The following HSD17B1 variants were observed in gnomAD, a reference collection of about 807,000 sequenced individuals.
HSD17B1 encodes the protein hydroxysteroid 17-beta dehydrogenase 1, also known as 17-beta-hydroxysteroid dehydrogenase type 1.
A neutral mutation model predicts 22.7 loss-of-function variants in HSD17B1; 16 were observed. That is an observed-to-expected ratio of 0.71 (90% CI 0.48 to 1.07). The LOEUF (loss-of-function observed/expected upper bound fraction) is 1.07, where lower values mean the gene tolerates loss of function less well. HSD17B1 is among the 50% of genes least tolerant of loss of function. HSD17B1 has a pLI of 0.00. For missense variants in HSD17B1, 533 were observed against 459.9 expected (o/e 1.16, Z -1.45); for synonymous variants, 243 against 211.0 (o/e 1.15, Z -1.31).
chr17:42,554,578 C>A lies in HSD17B1; in HGVS notation c.713C>A (p.Ala238Glu). ...REAAQNPEEV[A>E]EVFLTALRAP... ...GCGGCGCAGAACCCTGAGGAGGTGGCGGAGGTGAGCGCCGGGCTGGACTCC... is the reference window on the plus strand; with the variant it reads ...GCGGCGCAGAACCCTGAGGAGGTGGAGGAGGTGAGCGCCGGGCTGGACTCC... The change falls in exon 5 of 6, where the codon GCG (alanine) becomes GAG (glutamate). Residue 238 changes from alanine (A) to glutamate (E), a missense_variant. Ala to Glu is a moderately radical substitution (Grantham distance 107, BLOSUM62 -1). Transcript: ENST00000585807. 4 of 1,613,136 alleles carry A rather than the reference C, an allele frequency of 2.5e-6. No individual in the cohort carries two copies. Among genetic ancestry groups the A allele is most frequent in the Non-Finnish European group, 3.4e-6 (4 of 1,179,606 alleles).
Position 42,554,583 on chromosome 17 carries a change from G to A in HSD17B1, c.717+1G>A, listed in dbSNP as rs1199268040. On this transcript the variant is annotated splice_donor_variant, in intron 5 of 5. Transcript: ENST00000585807. LOFTEE classifies it high-confidence loss of function. ...GCAGAACCCTGAGGAGGTGGCGGAG[G>A]TGAGCGCCGGGCTGGACTCCAGGAG... is the stretch of plus-strand genomic sequence containing the variant. The A allele has an allele frequency of 1.2e-6, 2 of 1,613,012 alleles. No homozygotes were observed. The highest frequency in any genetic ancestry group is 1.7e-6 in the Non-Finnish European group (2 of 1,179,578).
Position 42,553,446 on chromosome 17 carries a change from C to G in HSD17B1, c.273C>G (p.Asn91Lys), listed in dbSNP as rs772780687. The stretch of plus-strand genomic sequence containing the variant: ...GGCCTCTTGTCTCCGCAGTGTGTAA[C>G]GCAGGCCTGGGCCTGCTGGGGCCGC... ...TEGRVDVLVC[N>K]AGLGLLGPLE... Residue 91 changes from asparagine to lysine, a missense_variant, in exon 3 of 6, where the codon AAC (asparagine) becomes AAG (lysine). Asn to Lys is a moderately conservative substitution (Grantham distance 94). Transcript: ENST00000585807. 5.0e-6 allele frequency: 8 copies of G among 1,612,682 alleles called. No individual in the cohort carries two copies. Among genetic ancestry groups the G allele is most frequent in the East Asian group, 2.2e-5 (1 of 44,878 alleles).
chr17:42,553,789 C>T lies in HSD17B1; in HGVS notation c.446-5C>T, dbSNP rs2092952801. The T allele has an allele frequency of 6.2e-7, 1 of 1,612,816 alleles. No homozygotes were observed. The highest frequency in any genetic ancestry group is 1.3e-5 in the African/African-American group (1 of 75,044). ...CGCCTCAGGAACCTCGTCTCCCCACCTAAGGGCTGCCTTTCAATGACGTTT... is the reference window on the plus strand; with the variant it reads ...CGCCTCAGGAACCTCGTCTCCCCACTTAAGGGCTGCCTTTCAATGACGTTT... On this transcript the variant is annotated splice_region_variant and splice_polypyrimidine_tract_variant and intron_variant, in intron 3 of 5. Transcript: ENST00000585807.
In HSD17B1 at chr17:42,554,523, C is replaced by T. The variant is rs1208994460; in HGVS notation, c.658C>T (p.Leu220Phe). 1.9e-6 allele frequency: 3 copies of T among 1,614,072 alleles called. No homozygotes were observed. The Admixed American group carries it at 5.0e-5, about 27-fold the overall frequency. ...CACCTTCCACCGCTTCTACCAATAC[C>T]TCGCCCACAGCAAGCAAGTCTTTCG... ...IHTFHRFYQY[L>F]AHSKQVFREA... The change falls in exon 5 of 6, where the codon CTC becomes TTC. Residue 220 changes from leucine to phenylalanine, a missense_variant. Coordinates refer to ENST00000585807, the MANE Select transcript of HSD17B1 (RefSeq NM_000413.4).
intron 4 of HSD17B1, 42 bp downstream of exon 4, chr17:42,553,929 C>G: frequency 6.6e-7 from 1 of 1,525,820 alleles, no homozygotes; most frequent in East Asian, 2.3e-5. Context: ...TTAACTCTGA[C>G]CTAGAGACGC....
chr17:42,552,997 C>T lies in HSD17B1; in HGVS notation c.64C>T (p.Arg22Cys), dbSNP rs146214926. 75 of 1,614,000 alleles carry T rather than the reference C, an allele frequency of 4.6e-5. No homozygotes were observed. The highest frequency in any genetic ancestry group is 5.3e-5 in the Non-Finnish European group (63 of 1,180,016). The change falls in exon 1 of 6, where the codon CGT becomes TGT. Residue 22 changes from arginine to cysteine, a missense_variant. By Grantham distance (180) the Arg-to-Cys change is radical (BLOSUM62 -3). Transcript: ENST00000585807. Reference protein sequence around the residue: ...SSGIGLHLAVRLASDPSQSFK... With the variant: ...SSGIGLHLAVCLASDPSQSFK... ...GGGCATCGGCCTGCACTTGGCCGTA[C>T]GTCTGGCTTCAGATCCATCCCAGAG... is the stretch of plus-strand genomic sequence containing the variant.
At position 42,554,753 on chromosome 17, in the gene HSD17B1, C is replaced by T. The variant is rs376962934; in HGVS notation, c.802C>T (p.Leu268=). Residue 268 remains leucine, a synonymous_variant, in exon 6 of 6, where the codon CTG becomes TTG. Coordinates refer to ENST00000585807, the MANE Select transcript of HSD17B1 (RefSeq NM_000413.4). ...CTTCCTGCCCCTGCTGCGGATGCGC[C>T]TGGACGACCCCAGCGGCTCCAACTA... is the stretch of plus-strand genomic sequence containing the variant. ...ERFLPLLRMR[L]DDPSGSNYVT... The T allele has an allele frequency of 6.2e-7, 1 of 1,603,802 alleles. No homozygotes were observed. The highest frequency in any genetic ancestry group is 2.2e-5 in the East Asian group (1 of 44,886).
chr17:42,554,135 C>T, intron 4 of HSD17B1: 1 of 638,144 alleles, frequency 1.6e-6, no homozygotes, highest in Non-Finnish European at 2.7e-6. Flanking sequence ...GGCCCAAGGT[C>T]ACACAGCGGC....
Position 42,553,238 on chromosome 17 carries a change from A to C in HSD17B1, c.212A>C (p.Lys71Thr), listed in dbSNP as rs775295193. Residue 71 changes from lysine (K) to threonine (T), a missense_variant, in exon 2 of 6, where the codon AAA becomes ACA. By Grantham distance (78) the Lys-to-Thr change is moderately conservative (BLOSUM62 -1). Transcript: ENST00000585807. ...ETLQLDVRDS[K>T]SVAAARERVT... Reference sequence around the variant, plus strand: ...TTGCAGCTGGACGTAAGGGACTCAAAATCCGTGGCCGCTGCCCGGGAACGC... The same window carrying C: ...TTGCAGCTGGACGTAAGGGACTCAACATCCGTGGCCGCTGCCCGGGAACGC... 2.5e-6 allele frequency: 4 copies of C among 1,613,264 alleles called. No individual in the cohort carries two copies. Among genetic ancestry groups the C allele is most frequent in the Admixed American group, 1.7e-5 (1 of 60,030 alleles).
In HSD17B1 at chr17:42,553,626, G is replaced by T. The variant is rs2092951783; in HGVS notation, c.445+8G>T. Reference sequence around the variant, plus strand: ...GCGTGGGAGGATTGATGGGTGAGTGGTAGGGAGTGGCCTCGGCAGCTCCAG... The same window carrying T: ...GCGTGGGAGGATTGATGGGTGAGTGTTAGGGAGTGGCCTCGGCAGCTCCAG... On this transcript the variant is annotated splice_region_variant and intron_variant, in intron 3 of 5. Transcript: ENST00000585807. 4.4e-6 allele frequency: 7 copies of T among 1,603,778 alleles called. No individual in the cohort carries two copies. Among genetic ancestry groups the T allele is most frequent in the Non-Finnish European group, 6.0e-6 (7 of 1,175,208 alleles).
rs536348010 is a variant in HSD17B1 at position 42,553,547 on chromosome 17, C to A, written c.374C>A (p.Ala125Asp). ...NVVGTVRMLQ[A>D]FLPDMKRRGS... ...GTAGGGACTGTGCGGATGCTGCAGG[C>A]CTTCCTGCCAGACATGAAGAGGCGC... The change falls in exon 3 of 6, where the codon GCC becomes GAC. Residue 125 changes from alanine (A) to aspartate (D), a missense_variant. Ala to Asp is a moderately radical substitution (Grantham distance 126). Transcript: ENST00000585807. The A allele has an allele frequency of 9.3e-6, 15 of 1,613,854 alleles. No individual in the cohort carries two copies. Among genetic ancestry groups the A allele is most frequent in the Admixed American group, 3.3e-5 (2 of 60,020 alleles).
At chr17:42,553,999 C>G (rs762425479) in intron 4 of HSD17B1, 112 bp downstream of exon 4, 4 of 946,720 alleles carry the variant, frequency 4.2e-6, no homozygotes, top group Non-Finnish European at 6.6e-6. Context: ...CTCTGCCCGG[C>G]TCACATTAGC....
In HSD17B1 at chr17:42,554,952, C is replaced by T. The variant is rs765724840; in HGVS notation, c.*14C>T. On this transcript the variant is annotated 3_prime_UTR_variant, in exon 6 of 6. Coordinates refer to ENST00000585807, the MANE Select transcript of HSD17B1 (RefSeq NM_000413.4). Reference sequence around the variant, plus strand: ...GCCCCGCAGTAAAGGCTTCCTCAGCCGCTGTCTCCCGCGCCCTTCTTTGTC... The same window carrying T: ...GCCCCGCAGTAAAGGCTTCCTCAGCTGCTGTCTCCCGCGCCCTTCTTTGTC... 6.9e-6 allele frequency: 10 copies of T among 1,448,834 alleles called. No individual in the cohort carries two copies. The highest frequency in any genetic ancestry group is 9.0e-6 in the Non-Finnish European group (10 of 1,109,128). The allele number at this position is 1,448,834 out of a possible 1,614,324, so 89.7% of individuals were successfully genotyped here.
Position 42,553,159 on chromosome 17 carries a change from C to G in HSD17B1, c.133C>G (p.Arg45Gly), listed in dbSNP as rs773777389. Reference protein sequence around the residue: ...ATLRDLKTQGRLWEAARALAC... With the variant: ...ATLRDLKTQGGLWEAARALAC... ...GTTGAGGGACCTGAAAACACAGGGC[C>G]GGCTGTGGGAGGCGGCCCGGGCCCT... Residue 45 changes from arginine to glycine, a missense_variant, in exon 2 of 6, where the codon CGG (arginine) becomes GGG (glycine). Transcript: ENST00000585807. 13 of 1,613,620 alleles carry G rather than the reference C, an allele frequency of 8.1e-6. No individual in the cohort carries two copies. Among genetic ancestry groups the G allele is most frequent in the African/African-American group, 6.7e-5 (5 of 74,930 alleles).
intron 3 of HSD17B1, 57 bp downstream of exon 3, chr17:42,553,675 C>A: frequency 6.3e-7 from 1 of 1,599,444 alleles, no homozygotes; most frequent in Non-Finnish European, 8.5e-7. Flanking sequence ...GGAGCTGAGC[C>A]TTGAAGGCAG....
intron 4 of HSD17B1, 50 bp downstream of exon 4, chr17:42,553,937 C>T (rs2676530): frequency 0.26 from 384,933 of 1,484,782 alleles, 53,044 homozygotes; most frequent in Admixed American, 0.31. Context: ...GACCTAGAGA[C>T]GCCGAGCACC....
At position 42,555,025 on chromosome 17, in the gene HSD17B1, G is replaced by A. The variant is rs2092958900; in HGVS notation, c.*87G>A. On this transcript the variant is annotated 3_prime_UTR_variant, in exon 6 of 6. Transcript: ENST00000585807. Reference sequence around the variant, plus strand: ...GGGATGGGGCGGCGGTAGCAGCTGTGGGTGGCTAATTAAGATAGATCGCGT... The same window carrying A: ...GGGATGGGGCGGCGGTAGCAGCTGTAGGTGGCTAATTAAGATAGATCGCGT... 7.1e-7 allele frequency: 1 copy of A among 1,411,448 alleles called. No homozygotes were observed. Among genetic ancestry groups the A allele is most frequent in the South Asian group, 1.5e-5 (1 of 64,804 alleles). The allele number at this position is 1,411,448 out of a possible 1,614,324, so 87.4% of individuals were successfully genotyped here. A position where few individuals can be genotyped will look rare whatever the true frequency, so the allele number is the denominator to read the frequency against.
chr17:42,554,665 G>A lies in HSD17B1; in HGVS notation c.718-4G>A, dbSNP rs560050743. 6.2e-7 allele frequency: 1 copy of A among 1,604,088 alleles called. No homozygotes were observed. The highest frequency in any genetic ancestry group is 8.5e-7 in the Non-Finnish European group (1 of 1,178,550). ...TGGCCACAGCTCTCCTCCCGCCGCC[G>A]CAGGTCTTCCTCACCGCTTTGCGCG... is the stretch of plus-strand genomic sequence containing the variant. On this transcript the variant is annotated splice_region_variant and splice_polypyrimidine_tract_variant and intron_variant, in intron 5 of 5. Coordinates refer to ENST00000585807, the MANE Select transcript of HSD17B1 (RefSeq NM_000413.4).
Position 42,552,995 on chromosome 17 carries a change from T to G in HSD17B1, c.62T>G (p.Val21Gly). ...TCGGGCATCGGCCTGCACTTGGCCG[T>G]ACGTCTGGCTTCAGATCCATCCCAG... Reference protein sequence around the residue: ...CSSGIGLHLAVRLASDPSQSF... With the variant: ...CSSGIGLHLAGRLASDPSQSF... Residue 21 changes from valine to glycine, a missense_variant, in exon 1 of 6, where the codon GTA becomes GGA. Transcript: ENST00000585807. The G allele has an allele frequency of 6.2e-7, 1 of 1,614,128 alleles. No individual in the cohort carries two copies. The highest frequency in any genetic ancestry group is 8.5e-7 in the Non-Finnish European group (1 of 1,180,020).
Sources: gnomAD v4.1 joint callset for allele counts on GRCh38, gnomAD v4.1.1 for gene constraint, MANE v1.5 for transcripts, NCBI Gene and HGNC (gene_info 2026-07-23, HGNC 2026-07-21) for gene names.